KCNT2: variants seen among roughly 807,000 people sequenced by gnomAD.
KCNT2 encodes the protein potassium channel subfamily T member 2.
A neutral mutation model predicts 153.8 loss-of-function variants in KCNT2; 67 were observed. The observed-to-expected ratio is 0.44, with a 90% CI of 0.36 to 0.53. KCNT2 has a LOEUF of 0.53. KCNT2 is among the 20% of genes least tolerant of loss of function. The pLI is 0.00. For missense variants in KCNT2, 975 were observed against 1,354.8 expected (o/e 0.72, Z 4.40); for synonymous variants, 500 against 458.8 (o/e 1.09, Z -1.15).
At chr1:196,600,183 C>A (rs1405301787) in intron 1 of KCNT2, among the ~76,000 whole-genome samples, 1 of 152,166 alleles carries the variant, frequency 6.6e-6, no homozygotes, top group Non-Finnish European at 1.5e-5. Flanking sequence ...AACATCATTT[C>A]ACGGTGTTTT....
rs560888330 is a variant in KCNT2, at chr1:196,230,960, A to G, written c.3297-2625T>C. On this transcript the variant is annotated intron_variant, in intron 27 of 27. Transcript: ENST00000294725. ...GGGTAAAATGCTATCAAAGGGTATT[A>G]CATGCTACAGATAAATATTGCATGA... 5.3e-5 allele frequency among the ~76,000 whole-genome samples: 8 copies of G among 152,086 alleles called. 1 individual carries two copies. In the South Asian group the frequency reaches 1.7e-3, roughly 32 times the overall value.
intron 1 of KCNT2, among the ~76,000 whole-genome samples, chr1:196,532,663 T>A (rs1340959786): frequency 6.6e-6 from 1 of 152,010 alleles, no homozygotes; most frequent in African/African-American, 2.4e-5. Context: ...TCACCAGGAA[T>A]GAACTCTAGC....
intron 1 of KCNT2, among the ~76,000 whole-genome samples, chr1:196,560,602 C>T (rs1659248042): frequency 6.6e-6 from 1 of 151,906 alleles, no homozygotes; most frequent in African/African-American, 2.4e-5. Context: ...ACATCCCTAC[C>T]TATCTCACTC....
At chr1:196,603,168 C>T (rs1571489) in intron 1 of KCNT2, among the ~76,000 whole-genome samples, 118,822 of 152,026 alleles carry the variant, frequency 0.78, 49,694 homozygotes, top group East Asian at 0.97. Context: ...TTAATAAAGT[C>T]GATATTGATA....
intron 25 of KCNT2, among the ~76,000 whole-genome samples, chr1:196,259,036 A>G (rs1656768908): frequency 6.6e-6 from 1 of 152,184 alleles, no homozygotes; most frequent in African/African-American, 2.4e-5. Flanking sequence ...ATGCTCCAGA[A>G]GAAAACAAAA....
At chr1:196,377,789 A>G (rs1411002483) in intron 13 of KCNT2, among the ~76,000 whole-genome samples, 2 of 152,094 alleles carry the variant, frequency 1.3e-5, no homozygotes, top group Non-Finnish European at 1.5e-5. Flanking sequence ...AGGAGATGAC[A>G]TTCCCTTTCA....
At chr1:196,419,898 T>A (rs1316893966) in intron 12 of KCNT2, among the ~76,000 whole-genome samples, 4 of 152,076 alleles carry the variant, frequency 2.6e-5, no homozygotes, top group Non-Finnish European at 5.9e-5. Flanking sequence ...CCTTATTGTA[T>A]AATGAGTGGG....
At chr1:196,281,924 T>C (rs1659145484) in intron 24 of KCNT2, among the ~76,000 whole-genome samples, 1 of 151,916 alleles carries the variant, frequency 6.6e-6, no homozygotes, top group Admixed American at 6.6e-5. Flanking sequence ...TAATTTTTTG[T>C]ATTTTTAGTG....
At chr1:196,355,589 A>G (rs986300433) in intron 14 of KCNT2, among the ~76,000 whole-genome samples, 7 of 151,942 alleles carry the variant, frequency 4.6e-5, no homozygotes, top group African/African-American at 1.4e-4. Flanking sequence ...TGTACATGAA[A>G]GTAGCTTAAA....
chr1:196,349,251 T>C (rs1411938815), intron 14 of KCNT2, among the ~76,000 whole-genome samples: 15 of 152,184 alleles, frequency 9.9e-5, no homozygotes, highest in Admixed American at 9.8e-4. Context: ...CGTGACTTTG[T>C]AGCCTTCAGC....
intron 8 of KCNT2, among the ~76,000 whole-genome samples, chr1:196,463,110 A>G (rs1051547038): frequency 2.0e-5 from 3 of 151,862 alleles, no homozygotes; most frequent in Middle Eastern, 6.8e-3. Flanking sequence ...ATTCCCCAGC[A>G]GTATCAAGCT....
In KCNT2 at chr1:196,534,688, TA is replaced by T. The variant is rs548093981; in HGVS notation, c.96-42348del. ...TTGATTAAAAGGTAAAACCAAGAAA[TA>T]AAGTAAATTCAAAAACTGTGAAAAC... On this transcript the variant is annotated intron_variant, in intron 1 of 27. Transcript: ENST00000294725. 5.7e-3 allele frequency among the ~76,000 whole-genome samples: 872 copies of T among 152,200 alleles called. 5 individuals are homozygous for T. The highest frequency in any genetic ancestry group is 9.9e-3 in the Non-Finnish European group (670 of 67,982).
At chr1:196,231,874 T>A (rs1296182628) in intron 27 of KCNT2, among the ~76,000 whole-genome samples, 1 of 151,814 alleles carries the variant, frequency 6.6e-6, no homozygotes, top group Non-Finnish European at 1.5e-5. Context: ...AATAAATATA[T>A]GCAACACAGC....
intron 1 of KCNT2, among the ~76,000 whole-genome samples, chr1:196,519,090 C>A (rs1328385712): frequency 6.6e-6 from 1 of 152,064 alleles, no homozygotes; most frequent in Non-Finnish European, 1.5e-5. Flanking sequence ...ATACCAAACA[C>A]ACTCTCAGAA....
chr1:196,244,285 G>A (rs1429311310), intron 26 of KCNT2, among the ~76,000 whole-genome samples: 1 of 152,082 alleles, frequency 6.6e-6, no homozygotes, highest in African/African-American at 2.4e-5. Context: ...GGTGGTTATA[G>A]CAAGAGATTC....
At position 196,582,368 on chromosome 1, in the gene KCNT2, A is replaced by T. The variant is rs976193913; in HGVS notation, c.95+25847T>A. 10 of 154,172 alleles carry T rather than the reference A, an allele frequency of 6.5e-5. No homozygotes were observed. In the Admixed American group the frequency reaches 6.5e-4, roughly 10 times the overall value. 9.6% of individuals were successfully genotyped at this position (154,172 alleles called of 1,614,324 possible). ...ATGTTATATGCATGTTCTCTTAAGG[A>T]GCTAAAGATCCATGAATAGATTTCA... On this transcript the variant is annotated intron_variant, in intron 1 of 27. Transcript: ENST00000294725.
At chr1:196,491,126 G>A (rs1163870568) in intron 2 of KCNT2, among the ~76,000 whole-genome samples, 3 of 152,048 alleles carry the variant, frequency 2.0e-5, no homozygotes, top group Admixed American at 1.3e-4. Context: ...GCTGACTATG[G>A]GTGAAGTATT....
chr1:196,562,946 G>C (rs1659615021), intron 1 of KCNT2, among the ~76,000 whole-genome samples: 1 of 151,876 alleles, frequency 6.6e-6, no homozygotes, highest in South Asian at 2.1e-4. Flanking sequence ...GTTGTCCATT[G>C]ACCTTCTGTG....
chr1:196,255,261 C>G (rs929575839), intron 26 of KCNT2, among the ~76,000 whole-genome samples: 29 of 151,830 alleles, frequency 1.9e-4, no homozygotes, highest in African/African-American at 6.7e-4. Context: ...ACAATTATAA[C>G]TAACACATCA....
Sources: gnomAD v4.1 joint callset for allele counts (sites outside exome capture counted in the v4.1 genomes callset) on GRCh38, gnomAD v4.1.1 for gene constraint, MANE v1.5 for transcripts, NCBI Gene and HGNC (gene_info 2026-07-23, HGNC 2026-07-21) for gene names.